Variants in MYOM1 observed in about 807,000 individuals in gnomAD.
MYOM1 encodes myomesin 1.
In MYOM1, 164 loss-of-function variants were observed where a neutral mutation model predicts 205.3. That is an observed-to-expected ratio of 0.80 (90% CI 0.70 to 0.91). The LOEUF (loss-of-function observed/expected upper bound fraction) is 0.91. MYOM1 is among the 40% of genes least tolerant of loss of function. The pLI, the probability that MYOM1 is intolerant of heterozygous loss-of-function variation, is 0.00. For missense variants in MYOM1, 2,011 were observed against 2,127.3 expected, an observed-to-expected ratio of 0.95 and a Z score of 1.08; for synonymous variants, 772 against 789.4, an observed-to-expected ratio of 0.98 and a Z score of 0.37.
In MYOM1 at chr18:3,173,644, T is replaced by C. The variant is rs184650477; in HGVS notation, c.1174+294A>G. ...TTTGGTTAAGTCGTTCTGCCCAGGT[T>C]TGCATAATGATCTTTCGCAGTTTAA... is the stretch of plus-strand genomic sequence containing the variant. On this transcript the variant is annotated intron_variant, in intron 8 of 37. Transcript: ENST00000356443. Among the ~76,000 whole-genome samples, 6 of 150,198 alleles carry C rather than the reference T, an allele frequency of 4.0e-5. No individual in the cohort carries two copies. The East Asian group carries it at 1.2e-3, about 29-fold the overall frequency.
Position 3,188,843 on chromosome 18 carries a change from C to A in MYOM1, c.676G>T (p.Ala226Ser). ...ASRQSVVSKQ[A>S]TSALQQEETS... Reference sequence around the variant, plus strand: ...TCTTCCTGTTGAAGAGCGGATGTGGCCTGTTTGGAAACCACAGACTGCCTG... The same window carrying A: ...TCTTCCTGTTGAAGAGCGGATGTGGACTGTTTGGAAACCACAGACTGCCTG... The change falls in exon 4 of 38, where the codon GCC becomes TCC. Residue 226 changes from alanine (A) to serine (S), a missense_variant. Ala to Ser is a moderately conservative substitution (Grantham distance 99). Transcript: ENST00000356443. The A allele has an allele frequency of 6.2e-7, 1 of 1,613,462 alleles. No individual in the cohort carries two copies. The highest frequency in any genetic ancestry group is 8.5e-7 in the Non-Finnish European group (1 of 1,179,794).
chr18:3,118,734 T>C (rs1466014755), intron 20 of MYOM1, among the ~76,000 whole-genome samples: 3 of 152,148 alleles, frequency 2.0e-5, no homozygotes, highest in Non-Finnish European at 4.4e-5. Context: ...TTGCAAGAAT[T>C]TGAAAATAGA....
At chr18:3,170,265 G>T (rs1460103607) in intron 8 of MYOM1, among the ~76,000 whole-genome samples, 2 of 152,102 alleles carry the variant, frequency 1.3e-5, no homozygotes, top group Non-Finnish European at 2.9e-5. Context: ...ACAATGAGAA[G>T]AGTGGAATTG....
the MYOM1 span, among the ~76,000 whole-genome samples, chr18:3,238,217 A>T: frequency 6.6e-6 from 1 of 152,152 alleles, no homozygotes; most frequent in African/African-American, 2.4e-5. Flanking sequence ...GGAGAACATG[A>T]CCTAGATTCC....
intron 2 of MYOM1, among the ~76,000 whole-genome samples, chr18:3,206,085 C>G (rs564247452): frequency 6.6e-6 from 1 of 152,206 alleles, no homozygotes; most frequent in Admixed American, 6.5e-5. Context: ...TTCACACACT[C>G]GAGAGTGAGC....
chr18:3,148,816 A>AG (rs1201548274), intron 13 of MYOM1, among the ~76,000 whole-genome samples: 1 of 119,004 alleles, frequency 8.4e-6, no homozygotes, highest in Non-Finnish European at 1.6e-5. Flanking sequence ...ATTGCACTCC[A>AG]CCCTGGGCGA....
At chr18:3,131,548 G>A (rs2079876097) in intron 16 of MYOM1, 52 bp from the exon 17 acceptor site, 1 of 1,545,552 alleles carries the variant, frequency 6.5e-7, no homozygotes, top group African/African-American at 1.4e-5. Context: ...GATTAAGGAA[G>A]ATGATTGTTA....
intron 25 of MYOM1, among the ~76,000 whole-genome samples, chr18:3,097,797 C>T (rs947450670): frequency 6.6e-6 from 1 of 152,174 alleles, no homozygotes; most frequent in Non-Finnish European, 1.5e-5. Flanking sequence ...TTTGCTGCTA[C>T]CCTCTCTCGT....
rs1000267624 is a variant in MYOM1 at position 3,142,276 on chromosome 18, AG to A, written c.1901-214del. On this transcript the variant is annotated intron_variant, in intron 13 of 37. Coordinates refer to ENST00000356443, the MANE Select transcript of MYOM1 (RefSeq NM_003803.4). ...TTGCTGTTGTTTTGGTTTTTTTTGG[AG>A]GGGGGGAAGGGTTTCACTCTATCAC... is the stretch of plus-strand genomic sequence containing the variant. Among the ~76,000 whole-genome samples the A allele has an allele frequency of 2.4e-3, 364 of 150,930 alleles. 1 individual carries two copies. Among genetic ancestry groups the A allele is most frequent in the African/African-American group, 8.4e-3 (346 of 41,106 alleles).
intron 26 of MYOM1, 127 bp from the exon 27 acceptor site, chr18:3,090,929 C>T: frequency 1.7e-6 from 2 of 1,191,914 alleles, no homozygotes; most frequent in South Asian, 3.0e-5. Flanking sequence ...TGCCTGTAAT[C>T]CCAGTACTTT....
intron 6 of MYOM1, among the ~76,000 whole-genome samples, 200 bp from the exon 7 acceptor site, chr18:3,174,408 G>T (rs896822770): frequency 2.0e-5 from 3 of 152,076 alleles, no homozygotes; most frequent in African/African-American, 7.2e-5. Flanking sequence ...ATCTACTGCA[G>T]TTTCATGCCA....
intron 19 of MYOM1, among the ~76,000 whole-genome samples, chr18:3,124,245 G>A (rs1312181056): frequency 3.3e-5 from 5 of 150,954 alleles, no homozygotes; most frequent in African/African-American, 9.8e-5. Flanking sequence ...ATAAGGAAAC[G>A]ATATATGATA....
the MYOM1 span, among the ~76,000 whole-genome samples, chr18:3,233,043 T>C: frequency 6.6e-6 from 1 of 152,244 alleles, no homozygotes; most frequent in South Asian, 2.1e-4. Flanking sequence ...ATAGAAATAA[T>C]TACTGTAAGA....
chr18:3,110,740 CTT>C (rs60485833), intron 22 of MYOM1, among the ~76,000 whole-genome samples: 27,601 of 141,314 alleles, frequency 0.2, 3,067 homozygotes, highest in East Asian at 0.29. Context: ...TCTTTTTTTT[CTT>C]TTTTTTTTTT....
At chr18:3,079,811 T>C (rs2079063857) in intron 33 of MYOM1, among the ~76,000 whole-genome samples, 1 of 152,196 alleles carries the variant, frequency 6.6e-6, no homozygotes, top group Non-Finnish European at 1.5e-5. Context: ...TATTGACATA[T>C]GTTGTTAGAA....
At chr18:3,086,965 C>T (rs567261446) in intron 29 of MYOM1, among the ~76,000 whole-genome samples, 4 of 152,206 alleles carry the variant, frequency 2.6e-5, no homozygotes, top group East Asian at 1.9e-4. Context: ...TCTCATTATA[C>T]GTGACAATAT....
chr18:3,238,429 A>G, the MYOM1 span, among the ~76,000 whole-genome samples: 3 of 149,544 alleles, frequency 2.0e-5, no homozygotes, highest in South Asian at 6.8e-4. Flanking sequence ...TACAATAAAC[A>G]TGGTGAAGAT....
At chr18:3,200,911 A>G (rs1027571023) in intron 2 of MYOM1, among the ~76,000 whole-genome samples, 2 of 151,760 alleles carry the variant, frequency 1.3e-5, no homozygotes, top group African/African-American at 4.8e-5. Context: ...ATAACACAGA[A>G]AAAGATACTT....
At chr18:3,223,925 C>G (rs9951046), upstream of MYOM1, among the ~76,000 whole-genome samples, 76,577 of 151,902 alleles carry the variant, frequency 0.5, 20,940 homozygotes, top group African/African-American at 0.72. Context: ...GGTGAGGGTG[C>G]GAGTGGCTGG....
Sources: allele counts gnomAD v4.1 joint callset (sites outside exome capture counted in the v4.1 genomes callset), GRCh38; gene constraint gnomAD v4.1.1; transcripts MANE v1.5; gene names NCBI Gene and HGNC (gene_info 2026-07-23, HGNC 2026-07-21).